The following RFWD3 variants were observed in gnomAD, a reference collection of about 807,000 sequenced individuals.
RFWD3 encodes the protein ring finger and WD repeat domain 3, also known as E3 ubiquitin-protein ligase RFWD3.
A neutral mutation model predicts 87.7 loss-of-function variants in RFWD3; 65 were observed. The ratio of observed to expected loss-of-function variants is 0.74; its 90% CI spans 0.61 to 0.91. The LOEUF is 0.91. Among genes scored for constraint, RFWD3 ranks in the 40% least tolerant of loss-of-function variants. The pLI is 0.00. For missense variants in RFWD3, 1,078 were observed against 938.5 expected, an observed-to-expected ratio of 1.15 and a Z score of -1.94; for synonymous variants, 433 against 352.8, an observed-to-expected ratio of 1.23 and a Z score of -2.55.
chr16:74,644,641 T>C lies in RFWD3; in HGVS notation c.887A>G (p.Asn296Ser). Residue 296 changes from asparagine to serine, a missense_variant, in exon 5 of 13, where the codon AAT becomes AGT. By Grantham distance (46) the Asn-to-Ser change is conservative (BLOSUM62 1). Transcript: ENST00000361070. The stretch of plus-strand genomic sequence containing the variant: ...TGCTGAGAGCCGGTGGTCCCCAGCA[T>C]TGGTCCACTGTTCCAGACATATTGT... The part of the protein sequence containing the change: ...TCTICLEQWT[N>S]AGDHRLSALR... 14 of 1,614,192 alleles carry C rather than the reference T, an allele frequency of 8.7e-6. No homozygotes were observed. Among genetic ancestry groups the C allele is most frequent in the South Asian group, 2.2e-5 (2 of 91,078 alleles).
At chr16:74,640,132 AC>A (rs1411350537) in intron 6 of RFWD3, among the ~76,000 whole-genome samples, 1 of 143,572 alleles carries the variant, frequency 7.0e-6, no homozygotes, top group East Asian at 2.0e-4. Flanking sequence ...GCCCATTCAT[AC>A]ATGGAAACTT....
intron 3 of RFWD3, among the ~76,000 whole-genome samples, chr16:74,650,985 C>G (rs893647347): frequency 9.5e-6 from 1 of 105,580 alleles, no homozygotes; most frequent in Non-Finnish European, 1.8e-5. Context: ...TATTCCTGAC[C>G]CTTTATTTAC....
At chr16:74,639,124 CG>C (rs1959414246) in intron 6 of RFWD3, among the ~76,000 whole-genome samples, 1 of 151,822 alleles carries the variant, frequency 6.6e-6, no homozygotes, top group Non-Finnish European at 1.5e-5. Flanking sequence ...CGGCTACCTC[CG>C]CCCCCCGGGT....
chr16:74,624,824 C>T (rs1958874190), intron 12 of RFWD3, among the ~76,000 whole-genome samples: 1 of 152,016 alleles, frequency 6.6e-6, no homozygotes, highest in African/African-American at 2.4e-5. Flanking sequence ...AGCAAGAATC[C>T]AATCTCTACA....
rs563849958 is a variant in RFWD3, at chr16:74,628,471, A to G, written c.1950T>C (p.Cys650=). ...ACTTACCAGGCCTGTAGGTCACAAGACAGTGCCGGGAGCTGTTCTCTGTCT... is the reference window on the plus strand; with the variant it reads ...ACTTACCAGGCCTGTAGGTCACAAGGCAGTGCCGGGAGCTGTTCTCTGTCT... ...DFQTENSSRH[C]LVTYRPDKNH... The change falls in exon 11 of 13, where the codon TGT becomes TGC. Residue 650 remains cysteine (C), a synonymous_variant. Transcript: ENST00000361070. 6.2e-7 allele frequency: 1 copy of G among 1,614,116 alleles called. No individual in the cohort carries two copies. Among genetic ancestry groups the G allele is most frequent in the South Asian group, 1.1e-5 (1 of 91,088 alleles).
At chr16:74,633,609 G>A (rs1290874876) in intron 8 of RFWD3, among the ~76,000 whole-genome samples, 1 of 152,126 alleles carries the variant, frequency 6.6e-6, no homozygotes, top group African/African-American at 2.4e-5. Context: ...AGAGGAGGGA[G>A]GGGCAGGTGA....
rs148732937 is a variant in RFWD3 at position 74,636,422 on chromosome 16, G to A, written c.1350C>T (p.Cys450=). 60 of 1,614,060 alleles carry A rather than the reference G, an allele frequency of 3.7e-5. No homozygotes were observed. The highest frequency in any genetic ancestry group is 4.6e-5 in the Non-Finnish European group (54 of 1,180,038). ...GAGCATCACAGTATGCCATGATCCG[G>A]CAGTTTCCTGCCTGAGATACTGTGA... ...KTFTVSQAGN[C]RIMAYCDALS... is the part of the protein sequence containing the mutation. Residue 450 remains cysteine (C), a synonymous_variant, in exon 8 of 13, where the codon TGC becomes TGT. Coordinates refer to ENST00000361070, the MANE Select transcript of RFWD3 (RefSeq NM_018124.4).
At chr16:74,645,027 T>C (rs1960012252) in intron 4 of RFWD3, among the ~76,000 whole-genome samples, 1 of 152,180 alleles carries the variant, frequency 6.6e-6, no homozygotes, top group Non-Finnish European at 1.5e-5. Context: ...CTATAAAATA[T>C]TTAACTCATG....
chr16:74,656,860 T>C (rs1384694231), intron 2 of RFWD3, among the ~76,000 whole-genome samples: 1 of 152,260 alleles, frequency 6.6e-6, no homozygotes, highest in African/African-American at 2.4e-5. Flanking sequence ...TCAACTCTTA[T>C]GGATGACTTT....
chr16:74,641,928 C>CAAAAAAAAAAAAA (rs71158533), intron 6 of RFWD3, among the ~76,000 whole-genome samples: 1 of 52,488 alleles, frequency 1.9e-5, no homozygotes, highest in Non-Finnish European at 3.2e-5. Flanking sequence ...ACTCCGTCTC[C>CAAAAAAAAAAAAA]AAAAAAAAAA....
At chr16:74,625,485 G>C (rs1958904260) in intron 12 of RFWD3, among the ~76,000 whole-genome samples, 1 of 150,084 alleles carries the variant, frequency 6.7e-6, no homozygotes, top group Non-Finnish European at 1.5e-5. Context: ...CTGCACTCCA[G>C]CCTGGGTAAC....
rs77132945 is a variant in RFWD3 at position 74,637,968 on chromosome 16, G to A, written c.1082C>T (p.Ser361Phe). ...CCTTAGCATCTGTTCCTTCAGTAGG[G>A]AACTAGAGGGGGAAAGCCAGCAACA... ...DTSEQERMKS[S>F]LLKEQMLRKQ... is the part of the protein sequence containing the mutation. The change falls in exon 7 of 13, where the codon TCC becomes TTC. Residue 361 changes from serine (S) to phenylalanine (F), a missense_variant and splice_region_variant. Physicochemically the swap from Ser to Phe is radical, Grantham distance 155. Transcript: ENST00000361070. 0.016 allele frequency: 25,430 copies of A among 1,605,798 alleles called. 244 individuals are homozygous for A. The highest frequency in any genetic ancestry group is 0.019 in the Admixed American group (1,131 of 59,592).
At chr16:74,661,958 A>C (rs1221550928) in intron 1 of RFWD3, among the ~76,000 whole-genome samples, 1 of 152,164 alleles carries the variant, frequency 6.6e-6, no homozygotes, top group Non-Finnish European at 1.5e-5. Context: ...AAACTTACCT[A>C]ATGTTTCCAA....
Position 74,632,654 on chromosome 16 carries a change from C to T in RFWD3, c.1446G>A (p.Leu482=), listed in dbSNP as rs1461368494. 6.2e-7 allele frequency: 1 copy of T among 1,614,040 alleles called. No homozygotes were observed. Among genetic ancestry groups the T allele is most frequent in the African/African-American group, 1.3e-5 (1 of 75,024 alleles). Residue 482 remains leucine, a synonymous_variant, in exon 9 of 13, where the codon TTG becomes TTA. Transcript: ENST00000361070. ...GACTGCTCTTCATGTTGGCAGTACT[C>T]AACATCTTAACACCAAAGCCTGAAA... ...SFLPGFGVKM[L]STANMKSSQY... is the part of the protein sequence containing the mutation.
At chr16:74,628,749 C>T in intron 10 of RFWD3, 83 bp from the exon 11 acceptor site, 4 of 1,217,604 alleles carry the variant, frequency 3.3e-6, no homozygotes, top group African/African-American at 1.5e-5. Flanking sequence ...CAAGCACATT[C>T]CCACCTCTGC....
At chr16:74,639,871 T>C (rs1209953264) in intron 6 of RFWD3, among the ~76,000 whole-genome samples, 1 of 152,194 alleles carries the variant, frequency 6.6e-6, no homozygotes, top group Non-Finnish European at 1.5e-5. Flanking sequence ...GTTTCTGATA[T>C]CTGTGATCAA....
At chr16:74,630,302 G>A (rs1004215273) in intron 10 of RFWD3, among the ~76,000 whole-genome samples, 3 of 152,190 alleles carry the variant, frequency 2.0e-5, no homozygotes, top group Admixed American at 6.5e-5. Flanking sequence ...GTTTTACCAC[G>A]TTGGTCAGGC....
intron 8 of RFWD3, among the ~76,000 whole-genome samples, chr16:74,633,747 C>T (rs1213923657): frequency 3.3e-5 from 5 of 151,942 alleles, no homozygotes; most frequent in South Asian, 2.1e-4. Flanking sequence ...ATCATGAGTT[C>T]GAGACCAGCC....
At chr16:74,652,836 A>C (rs1182450763) in intron 2 of RFWD3, among the ~76,000 whole-genome samples, 1 of 152,150 alleles carries the variant, frequency 6.6e-6, no homozygotes, top group Non-Finnish European at 1.5e-5. Context: ...CACTTTTGTC[A>C]CAGAATTAAT....
Sources: allele counts gnomAD v4.1 joint callset (sites outside exome capture counted in the v4.1 genomes callset), GRCh38; gene constraint gnomAD v4.1.1; transcripts MANE v1.5; gene names NCBI Gene and HGNC (gene_info 2026-07-23, HGNC 2026-07-21).